Variants in ERC2 observed in about 807,000 individuals in gnomAD.
The protein encoded by ERC2 is ERC protein 2.
Under a neutral mutation model 114.8 loss-of-function variants are expected in ERC2, and 42 were observed. That is an observed-to-expected ratio of 0.37 (90% CI 0.29 to 0.47). ERC2 has a LOEUF of 0.47. Among genes scored for constraint, ERC2 ranks in the 20% least tolerant of loss-of-function variants. ERC2 has a pLI of 0.99. For missense variants in ERC2, 939 were observed against 1,150.7 expected, an observed-to-expected ratio of 0.82 and a Z score of 2.66; for synonymous variants, 454 against 425.5, an observed-to-expected ratio of 1.07 and a Z score of -0.82.
chr3:55,650,901 C>T (rs576265884), intron 17 of ERC2, among the ~76,000 whole-genome samples: 19 of 150,184 alleles, frequency 1.3e-4, no homozygotes, highest in South Asian at 4.2e-4. Flanking sequence ...GGCTGGAGTG[C>T]GGTGGCGCGA....
intron 2 of ERC2, among the ~76,000 whole-genome samples, chr3:56,422,008 C>T (rs2061407940): frequency 6.6e-6 from 1 of 151,984 alleles, no homozygotes; most frequent in Non-Finnish European, 1.5e-5. Flanking sequence ...AGGCTGGGAC[C>T]CAAGAGAGGA....
At chr3:55,846,639 CTGATA>C (rs1050267624) in intron 14 of ERC2, among the ~76,000 whole-genome samples, 8 of 152,000 alleles carry the variant, frequency 5.3e-5, no homozygotes, top group African/African-American at 1.7e-4. Flanking sequence ...TCCCCTTTCT[CTGATA>C]TAAGTGTTAT....
At chr3:56,170,907 G>A (rs2082630889) in intron 4 of ERC2, among the ~76,000 whole-genome samples, 1 of 151,848 alleles carries the variant, frequency 6.6e-6, no homozygotes, top group African/African-American at 2.4e-5. Flanking sequence ...TGGGACTACA[G>A]GCGCGTGCCA....
In ERC2 at chr3:56,177,489, G is replaced by C. The variant is rs145904269; in HGVS notation, c.1075-3969C>G. Among the ~76,000 whole-genome samples, 290 of 152,280 alleles carry C rather than the reference G, an allele frequency of 1.9e-3. 1 individual carries two copies. Among genetic ancestry groups the C allele is most frequent in the African/African-American group, 6.7e-3 (278 of 41,544 alleles). ...TGTTATTAAATCATGAAGTGCAATG[G>C]TACTTAAATTTTTCTGCGTCACAGA... On this transcript the variant is annotated intron_variant, in intron 3 of 17. Transcript: ENST00000288221.
chr3:56,328,947 G>T (rs1297585215), intron 2 of ERC2, among the ~76,000 whole-genome samples: 1 of 152,258 alleles, frequency 6.6e-6, no homozygotes, highest in Non-Finnish European at 1.5e-5. Context: ...GAAGGATGCA[G>T]CCACAGTCAC....
At chr3:56,171,901 T>C (rs1447856739) in intron 4 of ERC2, among the ~76,000 whole-genome samples, 1 of 146,602 alleles carries the variant, frequency 6.8e-6, no homozygotes, top group East Asian at 2.0e-4. Context: ...CATTCTCTTC[T>C]CCATTACTAT....
chr3:55,873,264 C>T (rs2062668903), intron 14 of ERC2, among the ~76,000 whole-genome samples: 1 of 152,146 alleles, frequency 6.6e-6, no homozygotes, highest in Non-Finnish European at 1.5e-5. Flanking sequence ...GTATTCTCCT[C>T]ACAAAAGCCA....
At chr3:56,465,227 A>G (rs1451281588) in intron 1 of ERC2, among the ~76,000 whole-genome samples, 1 of 152,074 alleles carries the variant, frequency 6.6e-6, no homozygotes, top group Non-Finnish European at 1.5e-5. Flanking sequence ...GGTGAAACCC[A>G]GTCTGTACTA....
intron 2 of ERC2, among the ~76,000 whole-genome samples, chr3:56,341,271 T>C (rs1036934913): frequency 1.1e-4 from 16 of 151,978 alleles, no homozygotes; most frequent in African/African-American, 3.9e-4. Flanking sequence ...GGGGCTGGAG[T>C]AGAGCTCTGG....
chr3:55,872,298 G>T (rs2062620893), intron 14 of ERC2, among the ~76,000 whole-genome samples: 1 of 152,038 alleles, frequency 6.6e-6, no homozygotes, highest in South Asian at 2.1e-4. Context: ...CTCATTTGAG[G>T]GCTTGTGTGT....
chr3:55,802,732 G>A (rs9835700), intron 14 of ERC2, among the ~76,000 whole-genome samples: 6 of 152,100 alleles, frequency 3.9e-5, no homozygotes, highest in African/African-American at 1.4e-4. Context: ...ACCCAAGTTA[G>A]TTGTTAAGGA....
At chr3:56,408,892 C>T (rs1475910566) in intron 2 of ERC2, among the ~76,000 whole-genome samples, 4 of 152,204 alleles carry the variant, frequency 2.6e-5, no homozygotes, top group East Asian at 1.9e-4. Context: ...GCTCTGCACG[C>T]GCGCCTGAGG....
chr3:56,088,650 G>A (rs550243024), intron 6 of ERC2, among the ~76,000 whole-genome samples: 1 of 152,242 alleles, frequency 6.6e-6, no homozygotes, highest in South Asian at 2.1e-4. Flanking sequence ...AGCGGCTCAG[G>A]TGGGTATGTT....
At chr3:55,639,696 C>A (rs182913815) in intron 17 of ERC2, among the ~76,000 whole-genome samples, 23 of 152,310 alleles carry the variant, frequency 1.5e-4, no homozygotes, top group Middle Eastern at 3.4e-3. Context: ...GAAAACCTGT[C>A]TCTTGCTTTT....
chr3:55,601,384 G>A (rs2058396185), intron 17 of ERC2, among the ~76,000 whole-genome samples: 1 of 152,144 alleles, frequency 6.6e-6, no homozygotes, highest in South Asian at 2.1e-4. Flanking sequence ...AAACAGGTCA[G>A]GCCTTTCTCA....
At chr3:55,626,903 T>C (rs1463296742) in intron 17 of ERC2, among the ~76,000 whole-genome samples, 10 of 152,206 alleles carry the variant, frequency 6.6e-5, no homozygotes. Flanking sequence ...CAATATCTAC[T>C]CACTTCACAG....
intron 3 of ERC2, among the ~76,000 whole-genome samples, chr3:56,290,832 T>G (rs1227523537): frequency 6.6e-6 from 1 of 152,170 alleles, no homozygotes; most frequent in Admixed American, 6.5e-5. Flanking sequence ...CTTTCTCCTG[T>G]CTGCCCACCC....
At chr3:56,131,106 G>T (rs1202820206) in intron 6 of ERC2, among the ~76,000 whole-genome samples, 1 of 152,082 alleles carries the variant, frequency 6.6e-6, no homozygotes, top group South Asian at 2.1e-4. Flanking sequence ...TAACGACTAT[G>T]GTTCCCAACA....
intron 1 of ERC2, among the ~76,000 whole-genome samples, chr3:56,449,369 C>T (rs1473132563): frequency 2.0e-5 from 3 of 152,214 alleles, no homozygotes; most frequent in African/African-American, 4.8e-5. Flanking sequence ...CCCTTGGACT[C>T]TTCCTCCAGT....
Sources: gnomAD v4.1 joint callset for allele counts (sites outside exome capture counted in the v4.1 genomes callset) on GRCh38, gnomAD v4.1.1 for gene constraint, MANE v1.5 for transcripts, NCBI Gene and HGNC (gene_info 2026-07-23, HGNC 2026-07-21) for gene names.